The following NKTR variants were observed in gnomAD, a reference collection of about 807,000 sequenced individuals.
NKTR encodes natural killer cell triggering receptor.
A neutral mutation model predicts 156.3 loss-of-function variants in NKTR; 67 were observed. The ratio of observed to expected loss-of-function variants is 0.43; its 90% CI spans 0.35 to 0.53. NKTR has a LOEUF of 0.53. NKTR is among the 20% of genes least tolerant of loss of function. The pLI is 0.01. For synonymous variants in NKTR, 640 were observed against 596.6 expected, an observed-to-expected ratio of 1.07 and a Z score of -1.06; for missense variants, 1,604 against 1,730.9, an observed-to-expected ratio of 0.93 and a Z score of 1.30.
chr3:42,621,060 G>T (rs1707858124), intron 5 of NKTR: 1 of 984,406 alleles, frequency 1.0e-6, no homozygotes, highest in Admixed American at 6.1e-5. Context: ...AGCACATTAG[G>T]CAAGCTAATT....
rs952205382 is a variant in NKTR, at chr3:42,646,109, G to T, written c.*134G>T. 1.8e-6 allele frequency: 1 copy of T among 567,192 alleles called. No individual in the cohort carries two copies. The highest frequency in any genetic ancestry group is 2.8e-5 in the South Asian group (1 of 35,864). The allele number at this position is 567,192 out of a possible 1,614,324, so 35.1% of individuals were successfully genotyped here. A position where few individuals can be genotyped will look rare whatever the true frequency, so the allele number is the denominator to read the frequency against. On this transcript the variant is annotated 3_prime_UTR_variant, in exon 17 of 17. Coordinates refer to ENST00000232978, the MANE Select transcript of NKTR (RefSeq NM_005385.4). Reference sequence around the variant, plus strand: ...AATAGACACTTCTTAATTGTTACTGGTTCATTTACATGTGGGGAGAAGAAT... The same window carrying T: ...AATAGACACTTCTTAATTGTTACTGTTTCATTTACATGTGGGGAGAAGAAT...
Position 42,639,643 on chromosome 3 carries a change from T to C in NKTR, c.3939T>C (p.Ser1313=), listed in dbSNP as rs1261391357. ...GGGATGATGATAGCCAGTCCAGGAG[T>C]CCAAGTAGATCTCGAAGTAAATCTG... The part of the protein sequence containing the change: ...PSRDDDSQSR[S]PSRSRSKSET... The change falls in exon 13 of 17, where the codon AGT becomes AGC. Residue 1313 remains serine (S), a synonymous_variant. Transcript: ENST00000232978. The C allele has an allele frequency of 1.9e-6, 3 of 1,613,630 alleles. No homozygotes were observed. The African/African-American group carries it at 4.0e-5, about 22-fold the overall frequency.
intron 2 of NKTR, among the ~76,000 whole-genome samples, chr3:42,603,707 TAACTA>T (rs1375038686): frequency 6.6e-6 from 1 of 151,744 alleles, no homozygotes; most frequent in Non-Finnish European, 1.5e-5. Context: ...TTGAGTATAT[TAACTA>T]AATAGTGGAT....
At chr3:42,605,765 C>T (rs1388955863) in intron 2 of NKTR, among the ~76,000 whole-genome samples, 1 of 152,102 alleles carries the variant, frequency 6.6e-6, no homozygotes, top group Admixed American at 6.6e-5. Flanking sequence ...ATGCAATGGC[C>T]TGAAATTTAA....
chr3:42,618,735 C>T (rs1024806233), intron 3 of NKTR, among the ~76,000 whole-genome samples: 7 of 152,166 alleles, frequency 4.6e-5, no homozygotes, highest in South Asian at 2.1e-4. Context: ...TGTGCCATTG[C>T]GCCTGACCTC....
intron 10 of NKTR, 109 bp downstream of exon 10, chr3:42,633,844 T>C (rs1297174759): frequency 6.5e-6 from 8 of 1,230,126 alleles, no homozygotes; most frequent in South Asian, 1.4e-5. Flanking sequence ...TTGAAGCACA[T>C]TGAAAGATAG....
At chr3:42,602,962 G>A (rs1705701123) in intron 2 of NKTR, 1 of 150,520 alleles carries the variant, frequency 6.6e-6, no homozygotes, top group South Asian at 2.1e-4. Context: ...GGAAGCAGAG[G>A]TTGCAGTGAG....
rs1273093351 is a variant in NKTR, at chr3:42,642,594, C to T, written c.4140C>T (p.His1380=). The change falls in exon 14 of 17, where the codon CAC becomes CAT. Residue 1380 remains histidine (H), a splice_region_variant and synonymous_variant. Coordinates refer to ENST00000232978, the MANE Select transcript of NKTR (RefSeq NM_005385.4). ...RSSSYRSYKS[H]RTSSRSRSRS... is the part of the protein sequence containing the mutation. ...GTTCCTACCGGAGTTACAAAAGTCA[C>T]AGGTGAGCTTGTGATCTCACCCTGT... 1.9e-6 allele frequency: 3 copies of T among 1,612,966 alleles called. No individual in the cohort carries two copies. The highest frequency in any genetic ancestry group is 2.5e-6 in the Non-Finnish European group (3 of 1,178,878).
intron 6 of NKTR, among the ~76,000 whole-genome samples, chr3:42,625,795 C>G (rs917706953): frequency 6.6e-6 from 1 of 152,106 alleles, no homozygotes; most frequent in African/African-American, 2.4e-5. Context: ...ACCATATTCT[C>G]TGAATATCAA....
chr3:42,620,467 T>C (rs1707808261), intron 5 of NKTR: 6 of 989,224 alleles, frequency 6.1e-6, no homozygotes, highest in Non-Finnish European at 7.2e-6. Context: ...CTAATATTAC[T>C]AGGTTTTAAC....
At chr3:42,642,335 T>G (rs1212975837) in intron 13 of NKTR, among the ~76,000 whole-genome samples, 166 bp from the exon 14 acceptor site, 1 of 152,184 alleles carries the variant, frequency 6.6e-6, no homozygotes, top group Non-Finnish European at 1.5e-5. Context: ...TAACCATGGT[T>G]GTTTTGAGAG....
At chr3:42,633,099 G>T (rs1290303178) in intron 9 of NKTR, 2 of 843,410 alleles carry the variant, frequency 2.4e-6, no homozygotes, top group Non-Finnish European at 3.0e-6. Context: ...GAATACAGTG[G>T]CACAATTATA....
chr3:42,600,846 C>A (rs1295690387), intron 1 of NKTR, 68 bp downstream of exon 1: 2 of 466,526 alleles, frequency 4.3e-6, no homozygotes, highest in East Asian at 3.7e-5. Context: ...GAGGGGGCCT[C>A]GTCTTGGCCT....
chr3:42,625,455 T>C (rs1708289327), intron 6 of NKTR, among the ~76,000 whole-genome samples: 1 of 152,110 alleles, frequency 6.6e-6, no homozygotes, highest in Non-Finnish European at 1.5e-5. Context: ...TTTTAGAATA[T>C]GTTTTATGTC....
chr3:42,616,031 C>G (rs1414664926), intron 2 of NKTR, among the ~76,000 whole-genome samples: 3 of 152,136 alleles, frequency 2.0e-5, no homozygotes, highest in Non-Finnish European at 2.9e-5. Flanking sequence ...AAGCTATAGG[C>G]TAAGAATGTT....
rs745708798 is a variant in NKTR at position 42,638,655 on chromosome 3, A to G, written c.2951A>G (p.Asn984Ser). 6.2e-7 allele frequency: 1 copy of G among 1,611,486 alleles called. No homozygotes were observed. Among genetic ancestry groups the G allele is most frequent in the Non-Finnish European group, 8.5e-7 (1 of 1,179,460 alleles). ...AAGCACAAACATGGGTCAAAGGAAA[A>G]TCTTAAAAGAGAACACACCAAAAAA... ...PQKHKHGSKE[N>S]LKREHTKKVK... The change falls in exon 13 of 17, where the codon AAT becomes AGT. Residue 984 changes from asparagine (N) to serine (S), a missense_variant. By Grantham distance (46) the Asn-to-Ser change is conservative. This residue lies in a region of NKTR where 1,255 missense variants were observed against 1,243.7 expected (regional missense o/e 1.01). Transcript: ENST00000232978.
intron 6 of NKTR, chr3:42,629,204 T>G: frequency 2.0e-6 from 2 of 984,938 alleles, no homozygotes; most frequent in South Asian, 9.4e-5. Flanking sequence ...ACTAATTCAC[T>G]AGATAGTTTT....
rs766279674 is a variant in NKTR at position 42,639,490 on chromosome 3, G to A, written c.3786G>A (p.Leu1262=). 24 of 1,614,208 alleles carry A rather than the reference G, an allele frequency of 1.5e-5. 1 individual carries two copies. In the South Asian group the frequency reaches 2.6e-4, roughly 18 times the overall value. The part of the protein sequence containing the change: ...TTVPEMKPQG[L]RIEIKSKNKV... ...TGCCTGAAATGAAACCACAAGGCTT[G>A]AGAATAGAAATTAAAAGCAAAAATA... The change falls in exon 13 of 17, where the codon TTG becomes TTA. Residue 1262 remains leucine (L), a synonymous_variant. Transcript: ENST00000232978.
chr3:42,619,686 A>C lies in NKTR; in HGVS notation c.264A>C (p.Ser88=). The C allele has an allele frequency of 6.2e-7, 1 of 1,610,106 alleles. No homozygotes were observed. The highest frequency in any genetic ancestry group is 8.5e-7 in the Non-Finnish European group (1 of 1,177,070). The part of the protein sequence containing the change: ...FSEGNGKGGE[S]IYGGYFKDEN... Reference sequence around the variant, plus strand: ...CAGGTAATGGAAAAGGTGGAGAATCAATTTATGGTGGATATTTTAAAGGTA... The same window carrying C: ...CAGGTAATGGAAAAGGTGGAGAATCCATTTATGGTGGATATTTTAAAGGTA... The change falls in exon 5 of 17, where the codon TCA becomes TCC. Residue 88 remains serine (S), a synonymous_variant. Transcript: ENST00000232978.
Sources: allele counts gnomAD v4.1 joint callset (sites outside exome capture counted in the v4.1 genomes callset), GRCh38; gene constraint gnomAD v4.1.1; regional missense constraint gnomAD v4.1.1; transcripts MANE v1.5; gene names NCBI Gene and HGNC (gene_info 2026-07-23, HGNC 2026-07-21).